The following VRK1 variants were observed in gnomAD, a reference collection of about 807,000 sequenced individuals.
VRK1 encodes serine/threonine-protein kinase VRK1.
Under a neutral mutation model 57.1 loss-of-function variants are expected in VRK1, and 33 were observed. That is an observed-to-expected ratio of 0.58 (90% confidence interval 0.44 to 0.77). VRK1 has a LOEUF of 0.77. Among genes scored for constraint, VRK1 ranks in the 30% least tolerant of loss-of-function variants. VRK1 has a pLI of 0.00. For missense variants in VRK1, 413 were observed against 477.3 expected (o/e 0.87, Z 1.25); for synonymous variants, 137 against 147.8 (o/e 0.93, Z 0.53).
intron 3 of VRK1, 54 bp from the exon 4 acceptor site, chr14:96,846,041 A>G: frequency 6.8e-7 from 1 of 1,479,960 alleles, no homozygotes; most frequent in Non-Finnish European, 9.4e-7. Context: ...GTTCATTGAA[A>G]ATATCTCAGT....
At chr14:96,837,686 A>G in intron 2 of VRK1, 76 bp from the exon 3 acceptor site, 1 of 896,334 alleles carries the variant, frequency 1.1e-6, no homozygotes, top group Non-Finnish European at 1.6e-6. Flanking sequence ...CAAGGGTTAC[A>G]GATATACAAA....
intron 3 of VRK1, among the ~76,000 whole-genome samples, chr14:96,838,501 G>T (rs981168275): frequency 1.3e-5 from 2 of 152,056 alleles, no homozygotes; most frequent in Non-Finnish European, 2.9e-5. Context: ...AATATGTTTT[G>T]GTTAAATAGA....
chr14:96,849,114 T>C (rs1887839990), intron 5 of VRK1, among the ~76,000 whole-genome samples: 1 of 152,004 alleles, frequency 6.6e-6, no homozygotes. Flanking sequence ...TTGGAACCCA[T>C]GTATAGTAGG....
At chr14:96,820,034 A>G (rs1218542240) in intron 1 of VRK1, among the ~76,000 whole-genome samples, 1 of 152,148 alleles carries the variant, frequency 6.6e-6, no homozygotes, top group African/African-American at 2.4e-5. Context: ...CTGGCAGCAG[A>G]CCATCAAACA....
chr14:96,833,346 T>C, intron 1 of VRK1, 121 bp from the exon 2 acceptor site: 1 of 1,111,228 alleles, frequency 9.0e-7, no homozygotes, highest in Admixed American at 2.2e-5. Flanking sequence ...CAGGTATCCT[T>C]TAAGTTTTGG....
chr14:96,816,941 G>A (rs974830994), intron 1 of VRK1, among the ~76,000 whole-genome samples: 6 of 152,168 alleles, frequency 3.9e-5, no homozygotes, highest in Non-Finnish European at 8.8e-5. Context: ...AGGAATTACT[G>A]TTAATTTTGT....
Position 96,855,370 on chromosome 14 carries a change from A to G in VRK1, c.709+14A>G, listed in dbSNP as rs746179663. On this transcript the variant is annotated intron_variant, in intron 8 of 12. Transcript: ENST00000216639. ...ACAATGGCGTGGGTATGTCAGTAGT[A>G]CTGGAGTGAGAAATAGACTGCTAAT... The G allele has an allele frequency of 1.4e-5, 22 of 1,614,004 alleles. No homozygotes were observed. In the South Asian group the frequency reaches 2.3e-4, roughly 17 times the overall value.
At chr14:96,859,691 C>G (rs748950637) in intron 10 of VRK1, among the ~76,000 whole-genome samples, 10 of 152,010 alleles carry the variant, frequency 6.6e-5, no homozygotes, top group Admixed American at 1.3e-4. Flanking sequence ...CTGATAAGAT[C>G]TCTTGAAGGA....
chr14:96,801,742 A>G (rs1426042711), intron 1 of VRK1, among the ~76,000 whole-genome samples: 4 of 152,354 alleles, frequency 2.6e-5, no homozygotes, highest in Admixed American at 6.5e-5. Flanking sequence ...ACAATAAGCT[A>G]GAGAAAAGAA....
chr14:96,813,102 G>C (rs1014302653), intron 1 of VRK1, among the ~76,000 whole-genome samples: 1 of 152,154 alleles, frequency 6.6e-6, no homozygotes, highest in Non-Finnish European at 1.5e-5. Context: ...GGTAAGACAG[G>C]GTCCCTGATT....
At chr14:96,827,706 T>A (rs1036598931) in intron 1 of VRK1, among the ~76,000 whole-genome samples, 2 of 152,240 alleles carry the variant, frequency 1.3e-5, no homozygotes, top group Admixed American at 6.5e-5. Context: ...CTATTAGCAC[T>A]TGACAACTTT....
chr14:96,878,527 A>T (rs1360227653), intron 12 of VRK1, among the ~76,000 whole-genome samples: 1 of 152,224 alleles, frequency 6.6e-6, no homozygotes, highest in Non-Finnish European at 1.5e-5. Flanking sequence ...TGTGCCTAGC[A>T]AAATGGGAGC....
At chr14:96,853,897 T>C (rs1046535118) in intron 7 of VRK1, among the ~76,000 whole-genome samples, 3 of 152,268 alleles carry the variant, frequency 2.0e-5, no homozygotes, top group African/African-American at 7.2e-5. Flanking sequence ...TAAATGTGTT[T>C]GGGTACTTTG....
chr14:96,823,204 CAT>C (rs1296248145), intron 1 of VRK1, among the ~76,000 whole-genome samples: 1 of 152,194 alleles, frequency 6.6e-6, no homozygotes, highest in African/African-American at 2.4e-5. Flanking sequence ...TATTAGGTAA[CAT>C]ATGCATTATT....
At chr14:96,848,427 G>A (rs1887802843) in intron 5 of VRK1, among the ~76,000 whole-genome samples, 1 of 152,144 alleles carries the variant, frequency 6.6e-6, no homozygotes, top group African/African-American at 2.4e-5. Context: ...TGTGGAAAAG[G>A]ATGGAATGCC....
At chr14:96,808,002 C>CCTCCCTCCGTCTCTCTCTCT (rs1885957925) in intron 1 of VRK1, among the ~76,000 whole-genome samples, 1 of 118,140 alleles carries the variant, frequency 8.5e-6, no homozygotes, top group African/African-American at 3.6e-5. Context: ...TCCCTCTCTC[C>CCTCCCTCCGTCTCTCTCTCT]CTCTCTCTCT....
chr14:96,838,210 G>C (rs1412080291), intron 3 of VRK1, among the ~76,000 whole-genome samples: 2 of 147,880 alleles, frequency 1.4e-5, no homozygotes, highest in African/African-American at 2.4e-5. Context: ...CTTCTACTTG[G>C]TCAATTTTTT....
At chr14:96,878,556 A>G (rs1447733485) in intron 12 of VRK1, among the ~76,000 whole-genome samples, 1 of 152,176 alleles carries the variant, frequency 6.6e-6, no homozygotes, top group Non-Finnish European at 1.5e-5. Flanking sequence ...TTTAATATCT[A>G]TTTAGACCAT....
chr14:96,873,660 G>A (rs915002528), intron 11 of VRK1, among the ~76,000 whole-genome samples: 2 of 152,134 alleles, frequency 1.3e-5, no homozygotes, highest in African/African-American at 4.8e-5. Flanking sequence ...TGAAGCCTAA[G>A]GATGTTGACA....
Sources: allele counts gnomAD v4.1 joint callset (sites outside exome capture counted in the v4.1 genomes callset), GRCh38; gene constraint gnomAD v4.1.1; transcripts MANE v1.5; gene names NCBI Gene and HGNC (gene_info 2026-07-23, HGNC 2026-07-21).